The following PDE1C variants were observed in gnomAD, a reference collection of about 807,000 sequenced individuals.
PDE1C encodes the protein dual specificity calcium/calmodulin-dependent 3',5'-cyclic nucleotide phosphodiesterase 1C.
Under a neutral mutation model 93.1 loss-of-function variants are expected in PDE1C, and 62 were observed. The observed-to-expected ratio is 0.67, with a 90% confidence interval of 0.54 to 0.82. The LOEUF is 0.82. Ranked by LOEUF, PDE1C falls within the 40% of genes least tolerant of loss-of-function variation. The pLI is 0.00. For missense variants in PDE1C, 742 were observed against 884.6 expected (o/e 0.84, Z 2.04); for synonymous variants, 325 against 310.1 (o/e 1.05, Z -0.50).
rs187831422 is a variant in PDE1C, at chr7:32,051,546, G to A, written c.128+8C>T. ...TCAACCAGTTGCAGCTCAGAAAGAC[G>A]TTCTTACCTCTGGGACGTTTTCTTA... is the stretch of plus-strand genomic sequence containing the variant. On this transcript the variant is annotated splice_region_variant and intron_variant, in intron 2 of 17. Coordinates refer to ENST00000396191, the MANE Select transcript of PDE1C (RefSeq NM_001191057.4). 7.0e-4 allele frequency: 1,137 copies of A among 1,613,464 alleles called. No homozygotes were observed. Among genetic ancestry groups the A allele is most frequent in the Non-Finnish European group, 8.9e-4 (1,053 of 1,179,446 alleles).
chr7:32,230,319 C>G (rs114847632), intron 1 of PDE1C, among the ~76,000 whole-genome samples: 69 of 152,302 alleles, frequency 4.5e-4, no homozygotes, highest in African/African-American at 1.6e-3. Flanking sequence ...AAATCGAGCA[C>G]TTAATTTGCT....
chr7:31,786,880 A>G (rs1027497445), intron 16 of PDE1C: 1 of 151,920 alleles, frequency 6.6e-6, no homozygotes. Flanking sequence ...AAGAAAGAAG[A>G]AAATATATTA....
At chr7:32,356,276 C>T (rs1784027552) in intron 1 of PDE1C, among the ~76,000 whole-genome samples, 1 of 152,172 alleles carries the variant, frequency 6.6e-6, no homozygotes, top group African/African-American at 2.4e-5. Flanking sequence ...GGCAAAGACC[C>T]CACAATGTCT....
intron 1 of PDE1C, among the ~76,000 whole-genome samples, chr7:32,356,611 A>G (rs1263138220): frequency 6.6e-6 from 1 of 152,234 alleles, no homozygotes; most frequent in Non-Finnish European, 1.5e-5. Context: ...CAAAAGAAGT[A>G]CCATGGACAG....
intron 1 of PDE1C, among the ~76,000 whole-genome samples, chr7:32,282,328 T>C (rs1027845383): frequency 2.0e-5 from 3 of 150,918 alleles, no homozygotes; most frequent in Admixed American, 2.0e-4. Context: ...AATACAAAAT[T>C]AGCCGGGCGT....
At chr7:31,941,852 G>A (rs2129000559) in intron 2 of PDE1C, among the ~76,000 whole-genome samples, 1 of 152,276 alleles carries the variant, frequency 6.6e-6, no homozygotes, top group South Asian at 2.1e-4. Context: ...TCCTATGCTG[G>A]TCAAACAAGA....
intron 2 of PDE1C, among the ~76,000 whole-genome samples, chr7:31,935,554 C>G (rs1804930317): frequency 6.6e-6 from 1 of 152,102 alleles, no homozygotes; most frequent in African/African-American, 2.4e-5. Context: ...TACAAGCGCA[C>G]ATTCATTCAA....
At chr7:31,897,657 C>T (rs889554431) in intron 2 of PDE1C, among the ~76,000 whole-genome samples, 2 of 152,162 alleles carry the variant, frequency 1.3e-5, no homozygotes, top group African/African-American at 2.4e-5. Context: ...TCTCTCTGGA[C>T]ACTCTCTGAG....
At chr7:31,642,524 G>C in the PDE1C span, among the ~76,000 whole-genome samples, 1 of 152,208 alleles carries the variant, frequency 6.6e-6, no homozygotes, top group Non-Finnish European at 1.5e-5. Flanking sequence ...GCCTCCTAGA[G>C]AGGAGGACCT....
At chr7:31,643,930 A>C in the PDE1C span, 20 of 1,612,640 alleles carry the variant, frequency 1.2e-5, no homozygotes, top group Non-Finnish European at 1.7e-5. Context: ...CCTTCAGGAC[A>C]CTACAGTGAG....
At chr7:31,989,312 C>T (rs1260804735) in intron 2 of PDE1C, among the ~76,000 whole-genome samples, 1 of 152,108 alleles carries the variant, frequency 6.6e-6, no homozygotes, top group East Asian at 1.9e-4. Context: ...CCTCCCAGCC[C>T]AGTAAGTAGT....
the PDE1C span, among the ~76,000 whole-genome samples, chr7:31,668,925 T>C: frequency 1.3e-5 from 2 of 152,118 alleles, no homozygotes; most frequent in Non-Finnish European, 1.5e-5. Flanking sequence ...TCTGAGCACC[T>C]GAGGTGGGAA....
chr7:31,865,515 A>T (rs1469174766), intron 6 of PDE1C, among the ~76,000 whole-genome samples: 1 of 152,220 alleles, frequency 6.6e-6, no homozygotes, highest in Non-Finnish European at 1.5e-5. Flanking sequence ...TAGGACACCA[A>T]ACAATGTTGT....
intron 1 of PDE1C, among the ~76,000 whole-genome samples, chr7:32,252,879 A>T (rs1459709226): frequency 6.6e-6 from 1 of 152,250 alleles, no homozygotes; most frequent in Non-Finnish European, 1.5e-5. Context: ...AGTTACTGTA[A>T]AAGTTTTTAA....
rs992076361 is a variant in PDE1C, at chr7:32,270,346, A to G, written c.85+28305T>C. Among the ~76,000 whole-genome samples, 9 of 152,090 alleles carry G rather than the reference A, an allele frequency of 5.9e-5. No homozygotes were observed. The South Asian group carries it at 1.7e-3, about 28-fold the overall frequency. On this transcript the variant is annotated intron_variant, in intron 1 of 18. Coordinates refer to the PDE1C transcript ENST00000396193. Reference sequence around the variant, plus strand: ...AGTAGCACTGGGTGATATAAAAGGAAAAATCTGCAAGAGGTTATAAGGCCC... The same window carrying G: ...AGTAGCACTGGGTGATATAAAAGGAGAAATCTGCAAGAGGTTATAAGGCCC...
chr7:31,642,561 C>G, the PDE1C span: 1 of 873,330 alleles, frequency 1.1e-6, no homozygotes, highest in South Asian at 1.8e-5. Flanking sequence ...AGATGCAAAA[C>G]CTGATGTTGC....
chr7:31,647,298 T>C, the PDE1C span, among the ~76,000 whole-genome samples: 1 of 152,114 alleles, frequency 6.6e-6, no homozygotes, highest in Admixed American at 6.6e-5. Context: ...AAAAAATATT[T>C]ACGAAAATAT....
chr7:31,783,789 C>A (rs955154917), intron 16 of PDE1C: 12 of 152,150 alleles, frequency 7.9e-5, no homozygotes, highest in African/African-American at 2.9e-4. Flanking sequence ...TCTTAGAGAA[C>A]AGAACACTCT....
At chr7:32,157,243 T>C (rs1801629584) in intron 3 of PDE1C, among the ~76,000 whole-genome samples, 3 of 152,186 alleles carry the variant, frequency 2.0e-5, no homozygotes, top group South Asian at 4.1e-4. Context: ...CAAATACAGT[T>C]AGAAGGAATA....
Sources: gnomAD v4.1 joint callset for allele counts (sites outside exome capture counted in the v4.1 genomes callset) on GRCh38, gnomAD v4.1.1 for gene constraint, MANE v1.5 for transcripts, NCBI Gene and HGNC (gene_info 2026-07-23, HGNC 2026-07-21) for gene names.